The following STMN2 variants were observed in gnomAD, a reference collection of about 807,000 sequenced individuals.
The protein encoded by STMN2 is stathmin-2.
Under a neutral mutation model 24.1 loss-of-function variants are expected in STMN2, and 2 were observed. The observed-to-expected ratio is 0.08, with a 90% confidence interval of 0.03 to 0.26. The LOEUF is 0.26. Ranked by LOEUF, STMN2 falls within the 10% of genes least tolerant of loss-of-function variation. The pLI, the probability that STMN2 is intolerant of heterozygous loss-of-function variation, is 1.00. For synonymous variants in STMN2, 83 were observed against 77.5 expected, an observed-to-expected ratio of 1.07 and a Z score of -0.37; for missense variants, 114 against 213.6, an observed-to-expected ratio of 0.53 and a Z score of 2.91.
At chr8:79,648,126 T>C (rs1039112027) in intron 3 of STMN2, among the ~76,000 whole-genome samples, 3 of 152,220 alleles carry the variant, frequency 2.0e-5, no homozygotes, top group African/African-American at 7.2e-5. Context: ...TTTAAGAACA[T>C]GTGGTTAAGA....
intron 2 of STMN2, among the ~76,000 whole-genome samples, chr8:79,639,716 T>G (rs1460486183): frequency 6.6e-6 from 1 of 152,114 alleles, no homozygotes; most frequent in African/African-American, 2.4e-5. Context: ...TTGACAAAAA[T>G]TGTATATGTT....
chr8:79,634,093 GTTTC>G (rs1809880815), intron 1 of STMN2, among the ~76,000 whole-genome samples: 1 of 152,092 alleles, frequency 6.6e-6, no homozygotes, highest in Non-Finnish European at 1.5e-5. Flanking sequence ...TGCTTCATGT[GTTTC>G]TAATATGTGC....
intron 1 of STMN2, among the ~76,000 whole-genome samples, chr8:79,634,165 A>G (rs1251591669): frequency 6.6e-6 from 1 of 152,230 alleles, no homozygotes; most frequent in Non-Finnish European, 1.5e-5. Flanking sequence ...AAAAGGTACC[A>G]GCCTACAAAA....
rs1433986783 is a variant in STMN2, at chr8:79,666,152, G to C, written c.*1278G>C. 1 of 152,190 alleles carries C rather than the reference G, an allele frequency of 6.6e-6. No individual in the cohort carries two copies. The highest frequency in any genetic ancestry group is 1.5e-5 in the Non-Finnish European group (1 of 68,030). The allele number at this position is 152,190 out of a possible 1,614,324, so 9.4% of individuals were successfully genotyped here. A position where few individuals can be genotyped will look rare whatever the true frequency, so the allele number is the denominator to read the frequency against. On this transcript the variant is annotated 3_prime_UTR_variant, in exon 5 of 5. Transcript: ENST00000220876. ...GATTAATAAAGAATTGGAGTTCTGT[G>C]AACTAATAAAGGTTTGGTCTGTTCT...
chr8:79,664,070 C>A (rs1806553405), intron 4 of STMN2, among the ~76,000 whole-genome samples: 1 of 152,110 alleles, frequency 6.6e-6, no homozygotes, highest in Admixed American at 6.5e-5. Flanking sequence ...GCTCATAATA[C>A]AACTAGAATA....
intron 3 of STMN2, among the ~76,000 whole-genome samples, chr8:79,654,191 C>T (rs1423465030): frequency 6.6e-6 from 1 of 152,136 alleles, no homozygotes; most frequent in Non-Finnish European, 1.5e-5. Context: ...AATTACAGTG[C>T]TCAAAGTGCA....
At chr8:79,620,888 G>A in intron 1 of STMN2, 1 of 860,098 alleles carries the variant, frequency 1.2e-6, no homozygotes, top group African/African-American at 1.8e-5. Context: ...CCATGGATTT[G>A]CATTTCTAAC....
chr8:79,637,208 T>C (rs1004025177), intron 2 of STMN2, among the ~76,000 whole-genome samples: 1 of 152,204 alleles, frequency 6.6e-6, no homozygotes, highest in South Asian at 2.1e-4. Flanking sequence ...GGCTAAGCCA[T>C]AATTGGAGTA....
chr8:79,641,331 T>C, intron 2 of STMN2, 47 bp from the exon 3 acceptor site: 1 of 1,577,870 alleles, frequency 6.3e-7, no homozygotes, highest in Non-Finnish European at 8.6e-7. Context: ...AATAAACCCA[T>C]GCTGCAAGCT....
intron 1 of STMN2, among the ~76,000 whole-genome samples, chr8:79,628,829 G>T (rs928564837): frequency 6.6e-6 from 1 of 152,090 alleles, no homozygotes; most frequent in Non-Finnish European, 1.5e-5. Flanking sequence ...TTTATATTTT[G>T]ACCCTGTTTG....
intron 3 of STMN2, among the ~76,000 whole-genome samples, chr8:79,652,681 T>C (rs1028363435): frequency 2.0e-5 from 3 of 152,162 alleles, no homozygotes; most frequent in African/African-American, 7.2e-5. Context: ...AGTACTAACT[T>C]ACTTGATATT....
chr8:79,664,743 T>G (rs1806566195), intron 4 of STMN2, 72 bp from the exon 5 acceptor site: 7 of 1,488,464 alleles, frequency 4.7e-6, no homozygotes, highest in Non-Finnish European at 6.4e-6. Context: ...TTACTTCTAG[T>G]CAAGCGCATG....
intron 3 of STMN2, among the ~76,000 whole-genome samples, chr8:79,645,833 G>C (rs969659865): frequency 6.6e-6 from 1 of 151,932 alleles, no homozygotes; most frequent in Non-Finnish European, 1.5e-5. Flanking sequence ...GTTTTCCTTT[G>C]TGGCACCTAG....
At chr8:79,617,867 A>G (rs1414841574) in intron 1 of STMN2, among the ~76,000 whole-genome samples, 5 of 152,352 alleles carry the variant, frequency 3.3e-5, no homozygotes, top group African/African-American at 1.2e-4. Context: ...ATAACATGCA[A>G]GGCATTGTTC....
chr8:79,652,686 G>C (rs1430312362), intron 3 of STMN2, among the ~76,000 whole-genome samples: 1 of 151,958 alleles, frequency 6.6e-6, no homozygotes, highest in Non-Finnish European at 1.5e-5. Flanking sequence ...TAACTTACTT[G>C]ATATTAGACA....
chr8:79,649,909 A>T (rs1341145310), intron 3 of STMN2, among the ~76,000 whole-genome samples: 1 of 152,176 alleles, frequency 6.6e-6, no homozygotes, highest in Non-Finnish European at 1.5e-5. Context: ...TAAATGTACA[A>T]TAAGTCTCCT....
chr8:79,621,528 CA>C (rs1291364614), intron 1 of STMN2, among the ~76,000 whole-genome samples: 1 of 152,214 alleles, frequency 6.6e-6, no homozygotes, highest in Non-Finnish European at 1.5e-5. Context: ...CCCACCTGGC[CA>C]GCCCTTCTTC....
intron 3 of STMN2, among the ~76,000 whole-genome samples, chr8:79,651,629 A>G (rs1284675641): frequency 3.3e-5 from 5 of 152,220 alleles, no homozygotes. Context: ...TAAGAACACA[A>G]ATATAAACAT....
At chr8:79,655,138 C>T in intron 4 of STMN2, 76 bp downstream of exon 4, 2 of 1,529,112 alleles carry the variant, frequency 1.3e-6, no homozygotes, top group Non-Finnish European at 1.8e-6. Flanking sequence ...TATGCCTGAG[C>T]ACAGAGACGA....
Sources: gnomAD v4.1 joint callset for allele counts (sites outside exome capture counted in the v4.1 genomes callset) on GRCh38, gnomAD v4.1.1 for gene constraint, MANE v1.5 for transcripts, NCBI Gene and HGNC (gene_info 2026-07-23, HGNC 2026-07-21) for gene names.